Variants in KALRN observed in about 807,000 individuals in gnomAD.
KALRN encodes kalirin RhoGEF kinase.
KALRN carries 70 observed loss-of-function variants against 353.7 expected under a neutral mutation model. The ratio of observed to expected loss-of-function variants is 0.20; its 90% confidence interval spans 0.16 to 0.24. The LOEUF (loss-of-function observed/expected upper bound fraction) is 0.24, where lower values mean the gene tolerates loss of function less well. Among genes scored for constraint, KALRN ranks in the 10% least tolerant of loss-of-function variants. The pLI is 1.00. For missense variants in KALRN, 2,791 were observed against 3,756.7 expected (o/e 0.74, Z 6.72); for synonymous variants, 1,391 against 1,434.8 (o/e 0.97, Z 0.69).
At chr3:124,503,172 A>G (rs1198250276) in intron 33 of KALRN, among the ~76,000 whole-genome samples, 1 of 152,220 alleles carries the variant, frequency 6.6e-6, no homozygotes, top group Non-Finnish European at 1.5e-5. Flanking sequence ...CCTGCCATTT[A>G]GTAAAAAACA....
intron 33 of KALRN, among the ~76,000 whole-genome samples, chr3:124,544,830 T>C (rs949529799): frequency 6.6e-6 from 1 of 152,174 alleles, no homozygotes; most frequent in Non-Finnish European, 1.5e-5. Context: ...GTAAGATAAT[T>C]AATCAATTAG....
At chr3:124,252,688 C>CAA (rs1439243911) in intron 3 of KALRN, among the ~76,000 whole-genome samples, 1 of 152,134 alleles carries the variant, frequency 6.6e-6, no homozygotes, top group African/African-American at 2.4e-5. Flanking sequence ...GTACAAACAA[C>CAA]AACAAAAACC....
At chr3:124,135,614 A>C (rs2149733883) in intron 1 of KALRN, among the ~76,000 whole-genome samples, 1 of 152,354 alleles carries the variant, frequency 6.6e-6, no homozygotes, top group Non-Finnish European at 1.5e-5. Flanking sequence ...TTATAGGGAA[A>C]GTCTGGTTCC....
chr3:124,299,255 G>A (rs1249112953), intron 6 of KALRN, among the ~76,000 whole-genome samples: 1 of 152,182 alleles, frequency 6.6e-6, no homozygotes, highest in East Asian at 1.9e-4. Flanking sequence ...GTCACTGATC[G>A]GGGATGGTGA....
intron 47 of KALRN, among the ~76,000 whole-genome samples, chr3:124,668,735 C>T (rs756293929): frequency 1.3e-5 from 2 of 152,120 alleles, no homozygotes; most frequent in Non-Finnish European, 2.9e-5. Context: ...AATTAAACAC[C>T]AGCCCAGCCC....
intron 33 of KALRN, among the ~76,000 whole-genome samples, chr3:124,529,307 C>A (rs1577742571): frequency 6.6e-6 from 1 of 152,138 alleles, no homozygotes; most frequent in Admixed American, 6.6e-5. Flanking sequence ...TTAGTGCAAG[C>A]AGACTGGTAG....
At chr3:124,355,842 A>G (rs1405534770) in intron 10 of KALRN, among the ~76,000 whole-genome samples, 2 of 150,352 alleles carry the variant, frequency 1.3e-5, no homozygotes, top group Non-Finnish European at 3.0e-5. Flanking sequence ...CAGCCCTCCA[A>G]GTAGCTGGGA....
intron 33 of KALRN, among the ~76,000 whole-genome samples, chr3:124,530,796 T>A (rs894823498): frequency 7.2e-5 from 11 of 152,222 alleles, no homozygotes; most frequent in African/African-American, 2.6e-4. Context: ...CTCTCTCCCT[T>A]TCTTAACTTT....
At chr3:124,163,593 G>A (rs144125017) in intron 1 of KALRN, 3 of 985,090 alleles carry the variant, frequency 3.0e-6, no homozygotes, top group Non-Finnish European at 2.4e-6. Context: ...CACATAATAG[G>A]TTGAACACAT....
intron 1 of KALRN, among the ~76,000 whole-genome samples, chr3:124,133,410 G>A (rs1034120642): frequency 2.6e-5 from 4 of 152,226 alleles, no homozygotes; most frequent in Admixed American, 6.5e-5. Context: ...AATTTAGAAC[G>A]ACAGTCGAGG....
chr3:124,266,887 C>T (rs1483848967), intron 4 of KALRN, among the ~76,000 whole-genome samples: 3 of 152,192 alleles, frequency 2.0e-5, no homozygotes, highest in East Asian at 3.9e-4. Flanking sequence ...GTGGTGACAA[C>T]AAGCCTATAG....
intron 34 of KALRN, among the ~76,000 whole-genome samples, chr3:124,566,075 T>C (rs537441249): frequency 2.6e-5 from 4 of 152,322 alleles, no homozygotes; most frequent in South Asian, 2.1e-4. Flanking sequence ...TGGCTTTTTA[T>C]TTCCAGGTTG....
chr3:124,605,876 C>T (rs1343366076), intron 34 of KALRN, among the ~76,000 whole-genome samples: 1 of 152,188 alleles, frequency 6.6e-6, no homozygotes, highest in Non-Finnish European at 1.5e-5. Context: ...GCCTCCATCA[C>T]CACCCCTTCC....
chr3:124,183,288 G>A (rs951263772), intron 1 of KALRN, among the ~76,000 whole-genome samples: 1 of 152,174 alleles, frequency 6.6e-6, no homozygotes, highest in African/African-American at 2.4e-5. Context: ...TCTGCAGGCT[G>A]TATAGGAAGC....
At chr3:124,619,867 A>G (rs775489503) in intron 34 of KALRN, among the ~76,000 whole-genome samples, 6 of 152,064 alleles carry the variant, frequency 3.9e-5, no homozygotes, top group African/African-American at 1.2e-4. Flanking sequence ...TCCAGCATCA[A>G]TGTGCTAGGG....
At chr3:124,222,291 C>T (rs1391686349) in intron 1 of KALRN, among the ~76,000 whole-genome samples, 1 of 152,170 alleles carries the variant, frequency 6.6e-6, no homozygotes, top group East Asian at 1.9e-4. Context: ...ACTCTTAATG[C>T]CCTGGAGGGG....
In KALRN at chr3:124,671,788, C is replaced by T. The variant is rs777786497; in HGVS notation, c.6832C>T (p.Pro2278Ser). The T allele has an allele frequency of 2.5e-6, 4 of 1,614,030 alleles. No homozygotes were observed. The African/African-American group carries it at 5.3e-5, about 22-fold the overall frequency. ...TGTTCCTGCGGGCTCAGAGAAGCCC[C>T]CAAAGGGCTCCAGCTATAACCCACC... ...SSVPAGSEKP[P>S]KGSSYNPPLP... The change falls in exon 48 of 60, where the codon CCA (proline) becomes TCA (serine). Residue 2278 changes from proline to serine, a missense_variant. Transcript: ENST00000682506.
intron 57 of KALRN, among the ~76,000 whole-genome samples, chr3:124,706,625 A>G (rs1403821749): frequency 6.6e-6 from 1 of 151,004 alleles, no homozygotes; most frequent in African/African-American, 2.4e-5. Context: ...GCTGGAGTGC[A>G]GTGATGCAGT....
At chr3:124,250,671 G>T (rs1056279802) in intron 3 of KALRN, among the ~76,000 whole-genome samples, 17 of 152,320 alleles carry the variant, frequency 1.1e-4, no homozygotes, top group Non-Finnish European at 1.8e-4. Context: ...ACTAAGGGGA[G>T]TGGGGAGCGG....
Sources: gnomAD v4.1 joint callset for allele counts (sites outside exome capture counted in the v4.1 genomes callset) on GRCh38, gnomAD v4.1.1 for gene constraint, MANE v1.5 for transcripts, NCBI Gene and HGNC (gene_info 2026-07-23, HGNC 2026-07-21) for gene names.